Variants in LARP1B observed in about 807,000 individuals in gnomAD.
The protein encoded by LARP1B is La ribonucleoprotein 1B, also known as la-related protein 1B.
A neutral mutation model predicts 114.2 loss-of-function variants in LARP1B; 76 were observed. That is an observed-to-expected ratio of 0.67 (90% CI 0.55 to 0.81). LARP1B has a LOEUF of 0.81. LARP1B is among the 30% of genes least tolerant of loss of function. The pLI is 0.00. For synonymous variants in LARP1B, 345 were observed against 348.0 expected, an observed-to-expected ratio of 0.99 and a Z score of 0.10; for missense variants, 1,014 against 1,075.8, an observed-to-expected ratio of 0.94 and a Z score of 0.80.
intron 5 of LARP1B, among the ~76,000 whole-genome samples, chr4:128,090,556 A>C (rs1775542225): frequency 6.6e-6 from 1 of 152,178 alleles, no homozygotes; most frequent in Non-Finnish European, 1.5e-5. Context: ...ATTTCGCTTC[A>C]GATATCTTTT....
chr4:128,094,355 A>G (rs1225746662), intron 7 of LARP1B, among the ~76,000 whole-genome samples: 1 of 146,230 alleles, frequency 6.8e-6, no homozygotes, highest in Non-Finnish European at 1.5e-5. Context: ...ACTCTGATAG[A>G]TTTGTAGATC....
chr4:128,160,231 A>G (rs1428591356), intron 11 of LARP1B, among the ~76,000 whole-genome samples: 2 of 152,254 alleles, frequency 1.3e-5, no homozygotes, highest in African/African-American at 4.8e-5. Context: ...CCTCTGCTGT[A>G]GAGCCACAAA....
intron 15 of LARP1B, among the ~76,000 whole-genome samples, chr4:128,189,610 T>C (rs1231945597): frequency 1.3e-5 from 2 of 152,162 alleles, no homozygotes; most frequent in African/African-American, 4.8e-5. Context: ...TACTTCCTTC[T>C]TACTGCCTTT....
intron 5 of LARP1B, among the ~76,000 whole-genome samples, chr4:128,088,980 G>A: frequency 6.6e-6 from 1 of 152,032 alleles, no homozygotes. Flanking sequence ...GGAAATGTTT[G>A]AAAAAGACTG....
chr4:128,198,346 G>A (rs1754934174), intron 15 of LARP1B, among the ~76,000 whole-genome samples: 1 of 152,138 alleles, frequency 6.6e-6, no homozygotes, highest in South Asian at 2.1e-4. Flanking sequence ...CAGATCTCCA[G>A]AACATTTTCA....
At chr4:128,191,402 T>C (rs189939755) in intron 15 of LARP1B, among the ~76,000 whole-genome samples, 1 of 152,372 alleles carries the variant, frequency 6.6e-6, no homozygotes, top group East Asian at 1.9e-4. Flanking sequence ...TTCTAAGGTA[T>C]GTTTTCTTAG....
At chr4:128,204,228 C>T (rs934119860) in intron 17 of LARP1B, among the ~76,000 whole-genome samples, 7 of 146,588 alleles carry the variant, frequency 4.8e-5, no homozygotes, top group Non-Finnish European at 1.1e-4. Flanking sequence ...AAGAGAGATA[C>T]TGAGGCTTCA....
At chr4:128,129,880 C>A (rs1183169991) in intron 11 of LARP1B, among the ~76,000 whole-genome samples, 2 of 151,938 alleles carry the variant, frequency 1.3e-5, no homozygotes, top group African/African-American at 4.8e-5. Flanking sequence ...GGACCATCGT[C>A]CAAAATGTAA....
At chr4:128,199,087 C>T (rs1401265199) in intron 15 of LARP1B, among the ~76,000 whole-genome samples, 1 of 152,090 alleles carries the variant, frequency 6.6e-6, no homozygotes, top group East Asian at 1.9e-4. Context: ...ACATCACTAA[C>T]CTAAATTATT....
intron 11 of LARP1B, among the ~76,000 whole-genome samples, chr4:128,134,586 T>A (rs1792656237): frequency 6.6e-6 from 1 of 152,142 alleles, no homozygotes; most frequent in South Asian, 2.1e-4. Context: ...ACAGAACAAA[T>A]GTAGACAAAT....
intron 8 of LARP1B, among the ~76,000 whole-genome samples, chr4:128,100,437 TAA>T (rs1195030406): frequency 7.2e-5 from 11 of 151,892 alleles, no homozygotes; most frequent in South Asian, 2.1e-4. Context: ...CAAGCCTATC[TAA>T]CTTTTGTGTT....
At chr4:128,139,005 A>G (rs1463908401) in intron 11 of LARP1B, among the ~76,000 whole-genome samples, 1 of 152,202 alleles carries the variant, frequency 6.6e-6, no homozygotes, top group Non-Finnish European at 1.5e-5. Context: ...TAAACCAAAT[A>G]TAGCAGTTTT....
intron 11 of LARP1B, chr4:128,123,426 C>T: frequency 4.3e-6 from 4 of 927,280 alleles, no homozygotes; most frequent in East Asian, 1.2e-4. Context: ...GATACTAGTA[C>T]ATTCTACTAA....
At chr4:128,154,424 T>C (rs1734451819) in intron 11 of LARP1B, among the ~76,000 whole-genome samples, 2 of 152,214 alleles carry the variant, frequency 1.3e-5, no homozygotes, top group African/African-American at 4.8e-5. Context: ...CAGTGGTTCC[T>C]CACCCCCTTC....
At chr4:128,094,158 C>G (rs976460452) in intron 7 of LARP1B, among the ~76,000 whole-genome samples, 1 of 151,996 alleles carries the variant, frequency 6.6e-6, no homozygotes, top group African/African-American at 2.4e-5. Context: ...AACTCCTGAC[C>G]TTGTGATCCG....
At chr4:128,126,856 AT>A (rs1371530111) in intron 11 of LARP1B, among the ~76,000 whole-genome samples, 1 of 151,232 alleles carries the variant, frequency 6.6e-6, no homozygotes, top group Non-Finnish European at 1.5e-5. Context: ...GGAATATAGG[AT>A]AACGGAGAAG....
At chr4:128,077,761 C>A (rs1259263218) in intron 3 of LARP1B, 27 bp from the exon 4 acceptor site, 6 of 1,488,252 alleles carry the variant, frequency 4.0e-6, no homozygotes, top group Admixed American at 4.8e-5. Context: ...TAATGGAAAT[C>A]ATTTCATTCT....
In LARP1B at chr4:128,114,628, A is replaced by G. The variant is rs1785187010; in HGVS notation, c.1047A>G (p.Glu349=). The G allele has an allele frequency of 6.2e-7, 1 of 1,613,920 alleles. No individual in the cohort carries two copies. Among genetic ancestry groups the G allele is most frequent in the Non-Finnish European group, 8.5e-7 (1 of 1,179,848 alleles). ...GSPLSPKKNS[E]TSILQAMSRG... ...CATTGAGCCCAAAGAAAAACAGTGA[A>G]ACAAGTATTCTTCAAGCAATGTCTA... The change falls in exon 10 of 20, where the codon GAA becomes GAG. Residue 349 remains glutamate (E), a synonymous_variant. Transcript: ENST00000326639.
chr4:128,174,494 A>G (rs1272939118), intron 12 of LARP1B, among the ~76,000 whole-genome samples: 1 of 152,078 alleles, frequency 6.6e-6, no homozygotes, highest in African/African-American at 2.4e-5. Flanking sequence ...AACATACTCT[A>G]TAGATGTTGA....
Sources: allele counts gnomAD v4.1 joint callset (sites outside exome capture counted in the v4.1 genomes callset), GRCh38; gene constraint gnomAD v4.1.1; transcripts MANE v1.5; gene names NCBI Gene and HGNC (gene_info 2026-07-23, HGNC 2026-07-21).